IMMP2L: variants seen among roughly 807,000 people sequenced by gnomAD.
IMMP2L encodes inner mitochondrial membrane peptidase subunit 2.
IMMP2L carries 18 observed loss-of-function variants against 19.3 expected under a neutral mutation model. The observed-to-expected ratio is 0.93, with a 90% CI of 0.64 to 1.38. The LOEUF (loss-of-function observed/expected upper bound fraction) is 1.38. Ranked by LOEUF, IMMP2L falls within the 40% of genes most tolerant of loss-of-function variation. The probability of loss-of-function intolerance (pLI) is 0.00; values close to 1 mark genes in which losing one functional copy is unlikely to be tolerated. For synonymous variants in IMMP2L, 76 were observed against 73.0 expected (o/e 1.04, Z -0.21); for missense variants, 233 against 218.2 (o/e 1.07, Z -0.43).
At chr7:111,044,373 A>C (rs898713959) in intron 3 of IMMP2L, among the ~76,000 whole-genome samples, 10 of 152,170 alleles carry the variant, frequency 6.6e-5, no homozygotes, top group Non-Finnish European at 1.2e-4. Flanking sequence ...CAGCCTGGCC[A>C]ACATGGTGAA....
intron 3 of IMMP2L, among the ~76,000 whole-genome samples, chr7:111,287,751 A>G (rs1294107614): frequency 6.6e-6 from 1 of 152,172 alleles, no homozygotes; most frequent in Non-Finnish European, 1.5e-5. Context: ...GTCTAATTAC[A>G]GAGAACTAGA....
intron 3 of IMMP2L, among the ~76,000 whole-genome samples, chr7:111,214,331 C>CTTTTTTTTTTTTTTT (rs1169450523): frequency 9.7e-5 from 8 of 82,192 alleles, no homozygotes; most frequent in Admixed American, 1.4e-4. Flanking sequence ...AATTTTTCTT[C>CTTTTTTTTTTTTTTT]TTTTTTTTTT....
chr7:110,775,592 TCTTTAGTTCAAAGCCATAC>T (rs1417249029), intron 5 of IMMP2L, among the ~76,000 whole-genome samples: 1 of 152,090 alleles, frequency 6.6e-6, no homozygotes, highest in African/African-American at 2.4e-5. Flanking sequence ...CACACATTTG[TCTTTAGTTCAAAGCCATAC>T]CTAGAGGAAC....
intron 3 of IMMP2L, among the ~76,000 whole-genome samples, chr7:111,137,236 G>A (rs1802435313): frequency 6.6e-6 from 1 of 151,996 alleles, no homozygotes; most frequent in African/African-American, 2.4e-5. Context: ...CAGAAATAAA[G>A]TACGCTTTAT....
chr7:111,057,952 GTGTC>G (rs1586004578), intron 3 of IMMP2L, among the ~76,000 whole-genome samples: 1 of 152,014 alleles, frequency 6.6e-6, no homozygotes, highest in African/African-American at 2.4e-5. Flanking sequence ...ATATGTATAT[GTGTC>G]TGTATTATAT....
chr7:111,364,528 G>A (rs187364401), intron 3 of IMMP2L, among the ~76,000 whole-genome samples: 100 of 151,702 alleles, frequency 6.6e-4, no homozygotes, highest in African/African-American at 2.0e-3. Flanking sequence ...CCAGCTACTC[G>A]GCAGGCTGAG....
At chr7:110,801,787 A>C (rs146668743) in intron 5 of IMMP2L, among the ~76,000 whole-genome samples, 1 of 152,174 alleles carries the variant, frequency 6.6e-6, no homozygotes, top group African/African-American at 2.4e-5. Context: ...CTGCTGGCAC[A>C]ACAGAATTGT....
intron 3 of IMMP2L, among the ~76,000 whole-genome samples, chr7:111,053,423 T>G (rs1793197996): frequency 6.6e-6 from 1 of 152,234 alleles, no homozygotes; most frequent in Non-Finnish European, 1.5e-5. Flanking sequence ...ATATACCAGT[T>G]AAACTCCAAC....
Position 111,442,598 on chromosome 7 carries a change from A to G in IMMP2L, c.239+44640T>C, listed in dbSNP as rs914192057. 2.0e-5 allele frequency among the ~76,000 whole-genome samples: 3 copies of G among 151,816 alleles called. 1 individual carries two copies. The highest frequency in any genetic ancestry group is 2.9e-5 in the Non-Finnish European group (2 of 68,014). On this transcript the variant is annotated intron_variant, in intron 3 of 5. Coordinates refer to ENST00000405709, the MANE Select transcript of IMMP2L (RefSeq NM_032549.4). ...AAACCTTCAGAAAATGGTCTGTGCT[A>G]ATGAGAAGGCCGAAGTGTCAACCGC...
chr7:111,168,332 C>T (rs1196164079), intron 3 of IMMP2L, among the ~76,000 whole-genome samples: 1 of 151,044 alleles, frequency 6.6e-6, no homozygotes, highest in Non-Finnish European at 1.5e-5. Context: ...GCATTCTAAA[C>T]TCATTTAGCT....
chr7:111,136,383 G>A (rs1802340547), intron 3 of IMMP2L, among the ~76,000 whole-genome samples: 1 of 152,040 alleles, frequency 6.6e-6, no homozygotes. Context: ...TCTCATGGTA[G>A]CCTGAGATAT....
chr7:110,670,914 T>C (rs1791877309), intron 5 of IMMP2L, among the ~76,000 whole-genome samples: 1 of 152,204 alleles, frequency 6.6e-6, no homozygotes, highest in Non-Finnish European at 1.5e-5. Flanking sequence ...CCTAACATCT[T>C]ATTGGAACTT....
intron 5 of IMMP2L, among the ~76,000 whole-genome samples, chr7:110,780,259 T>A (rs572522870): frequency 6.6e-6 from 1 of 151,126 alleles, no homozygotes; most frequent in Non-Finnish European, 1.5e-5. Context: ...ATTCCTATAA[T>A]TGAATTAGAA....
intron 3 of IMMP2L, among the ~76,000 whole-genome samples, chr7:110,965,734 T>A (rs1467650861): frequency 6.6e-6 from 1 of 151,924 alleles, no homozygotes; most frequent in African/African-American, 2.4e-5. Context: ...GGTCATCAAA[T>A]AATTGCATAT....
chr7:111,515,646 ATTT>A (rs1399935745), intron 2 of IMMP2L, among the ~76,000 whole-genome samples: 2 of 151,994 alleles, frequency 1.3e-5, no homozygotes, highest in Non-Finnish European at 2.9e-5. Context: ...TTTGTTTTTA[ATTT>A]TTTAAGAGTT....
At chr7:110,793,840 CTTAA>C (rs1401126990) in intron 5 of IMMP2L, among the ~76,000 whole-genome samples, 2 of 151,874 alleles carry the variant, frequency 1.3e-5, no homozygotes, top group African/African-American at 4.8e-5. Context: ...CGTTTTATAC[CTTAA>C]TTATTAAAAA....
chr7:110,907,027 C>T (rs1812530624), intron 4 of IMMP2L, among the ~76,000 whole-genome samples: 1 of 151,948 alleles, frequency 6.6e-6, no homozygotes, highest in South Asian at 2.1e-4. Flanking sequence ...TCCATGAGGG[C>T]CCTGCAGCAG....
intron 5 of IMMP2L, among the ~76,000 whole-genome samples, chr7:110,702,135 G>A (rs1794331677): frequency 6.6e-6 from 1 of 150,424 alleles, no homozygotes; most frequent in African/African-American, 2.4e-5. Flanking sequence ...GATTTTCACC[G>A]TGTTGCCCAG....
chr7:111,174,857 C>T (rs986327314), intron 3 of IMMP2L, among the ~76,000 whole-genome samples: 1 of 151,716 alleles, frequency 6.6e-6, no homozygotes, highest in Non-Finnish European at 1.5e-5. Flanking sequence ...TAACACTCAG[C>T]ATTAAAAGAA....
Sources: allele counts gnomAD v4.1 joint callset (sites outside exome capture counted in the v4.1 genomes callset), GRCh38; gene constraint gnomAD v4.1.1; transcripts MANE v1.5; gene names NCBI Gene and HGNC (gene_info 2026-07-23, HGNC 2026-07-21).